ARHGEF18: variants seen among roughly 807,000 people sequenced by gnomAD.
ARHGEF18 encodes Rho/Rac guanine nucleotide exchange factor 18.
Under a neutral mutation model 155.7 loss-of-function variants are expected in ARHGEF18, and 93 were observed. That is an observed-to-expected ratio of 0.60 (90% confidence interval 0.50 to 0.71). The LOEUF is 0.71. Ranked by LOEUF, ARHGEF18 falls within the 30% of genes least tolerant of loss-of-function variation. The pLI, the probability that ARHGEF18 is intolerant of heterozygous loss-of-function variation, is 0.00. For missense variants in ARHGEF18, 1,593 were observed against 1,816.1 expected, an observed-to-expected ratio of 0.88 and a Z score of 2.23; for synonymous variants, 742 against 753.1, an observed-to-expected ratio of 0.99 and a Z score of 0.24.
chr19:7,353,565 C>T (rs1304977383), intron 1 of ARHGEF18, among the ~76,000 whole-genome samples: 2 of 139,628 alleles, frequency 1.4e-5, no homozygotes, highest in Non-Finnish European at 1.5e-5. Flanking sequence ...ATTCCAGCCT[C>T]AGCAACAAAA....
intron 1 of ARHGEF18, among the ~76,000 whole-genome samples, chr19:7,361,351 T>C (rs28489666): frequency 0.07 from 10,618 of 152,140 alleles, 946 homozygotes; most frequent in African/African-American, 0.21. Context: ...GGCAGGAGAA[T>C]CACTCAAATC....
intron 2 of ARHGEF18, among the ~76,000 whole-genome samples, chr19:7,365,894 C>T (rs1969868074): frequency 6.6e-6 from 1 of 152,190 alleles, no homozygotes; most frequent in Admixed American, 6.5e-5. Context: ...GGCTGGGCCA[C>T]CTGCCTGCAT....
intron 15 of ARHGEF18, among the ~76,000 whole-genome samples, chr19:7,449,358 G>A (rs1659526122): frequency 6.6e-6 from 1 of 152,066 alleles, no homozygotes; most frequent in Admixed American, 6.6e-5. Flanking sequence ...CGGATCACTT[G>A]AGCCCAGGAG....
At position 7,471,178 on chromosome 19, in the gene ARHGEF18, G is replaced by T. The variant is rs2145928525; in HGVS notation, c.*880G>T. The T allele has an allele frequency of 4.8e-6, 1 of 209,392 alleles. No individual in the cohort carries two copies. The highest frequency in any genetic ancestry group is 1.9e-4 in the South Asian group (1 of 5,324). The allele number at this position is 209,392 out of a possible 1,614,324, so 13.0% of individuals were successfully genotyped here. ...AGCCCCCGGGAAATGAGCTCCCAGG[G>T]CTGGCGTCCCACCTTCCAGGTGGGG... On this transcript the variant is annotated 3_prime_UTR_variant, in exon 29 of 29. Transcript: ENST00000668164. This position sits in a 1 kb window ranked among gnomAD's most constrained non-coding sequence, Gnocchi z 4.4.
chr19:7,420,687 G>A (rs1973300167), intron 10 of ARHGEF18, among the ~76,000 whole-genome samples: 1 of 152,236 alleles, frequency 6.6e-6, no homozygotes, highest in South Asian at 2.1e-4. Flanking sequence ...TCGCTCAAGT[G>A]CATAACTTTG....
At chr19:7,363,405 T>C (rs1969715495) in intron 2 of ARHGEF18, among the ~76,000 whole-genome samples, 1 of 149,180 alleles carries the variant, frequency 6.7e-6, no homozygotes, top group Non-Finnish European at 1.5e-5. Flanking sequence ...GGAAGGAGGA[T>C]GGATGAAGGA....
At chr19:7,362,041 G>GGAGA (rs1969596029) in intron 1 of ARHGEF18, among the ~76,000 whole-genome samples, 1 of 50,692 alleles carries the variant, frequency 2.0e-5, no homozygotes, top group South Asian at 7.4e-4. Context: ...GAAGGAGAAG[G>GGAGA]AGAAGGAGAA....
intron 10 of ARHGEF18, among the ~76,000 whole-genome samples, chr19:7,417,765 A>G (rs567896316): frequency 6.6e-6 from 1 of 152,238 alleles, no homozygotes; most frequent in East Asian, 1.9e-4. Flanking sequence ...GCCCAGTGGG[A>G]TGGTGACATG....
rs58930136 is a variant in ARHGEF18 at position 7,380,700 on chromosome 19, AAAC to A, written c.645-215_645-213del. On this transcript the variant is annotated intron_variant, in intron 7 of 28. Transcript: ENST00000668164. ...CGCCATCTCTATTAAAAAAGAAAAA[AAAC>A]ATCTTCCTGCTACACTGATTTTGTT... is the stretch of plus-strand genomic sequence containing the variant. Among the ~76,000 whole-genome samples, 822 of 152,070 alleles carry A rather than the reference AAAC, an allele frequency of 5.4e-3. 2 individuals are homozygous for A. The highest frequency in any genetic ancestry group is 0.019 in the African/African-American group (777 of 41,438).
chr19:7,437,402 A>G (rs1215603300), intron 10 of ARHGEF18, among the ~76,000 whole-genome samples: 1 of 146,730 alleles, frequency 6.8e-6, no homozygotes, highest in African/African-American at 2.6e-5. Context: ...AGCCTGGGCA[A>G]CAAAAGCGGA....
At chr19:7,366,190 C>T (rs1484178630) in intron 2 of ARHGEF18, among the ~76,000 whole-genome samples, 1 of 152,220 alleles carries the variant, frequency 6.6e-6, no homozygotes, top group African/African-American at 2.4e-5. Context: ...ATGTGATCCA[C>T]CCGCCTCAGG....
chr19:7,455,585 G>C (rs1975777192), intron 17 of ARHGEF18, among the ~76,000 whole-genome samples: 1 of 152,150 alleles, frequency 6.6e-6, no homozygotes, highest in South Asian at 2.1e-4. Flanking sequence ...GGGTCCTGGT[G>C]ACCCAGGAGC....
chr19:7,376,143 G>A (rs891327255), intron 4 of ARHGEF18, among the ~76,000 whole-genome samples: 1 of 152,198 alleles, frequency 6.6e-6, no homozygotes, highest in Non-Finnish European at 1.5e-5. Flanking sequence ...GGGGATGGGG[G>A]ATGTCTTATC....
chr19:7,372,955 C>T lies in ARHGEF18; in HGVS notation c.159C>T (p.Arg53=). 1.6e-6 allele frequency: 2 copies of T among 1,234,578 alleles called. No individual in the cohort carries two copies. Among genetic ancestry groups the T allele is most frequent in the Non-Finnish European group, 2.0e-6 (2 of 988,318 alleles). 76.5% of individuals were successfully genotyped at this position (1,234,578 alleles called of 1,614,324 possible). A position where few individuals can be genotyped will look rare whatever the true frequency, so the allele number is the denominator to read the frequency against. The change falls in exon 3 of 29, where the codon CGC becomes CGT. Residue 53 remains arginine (R), a synonymous_variant. Transcript: ENST00000668164. ...HSQPGETPDS[R]PTGEEPGRDS... is the part of the protein sequence containing the mutation. ...AGCCTGGGGAGACCCCAGACAGCCGCCCCACCGGTGAAGAACCAGGAAGAG... is the reference window on the plus strand; with the variant it reads ...AGCCTGGGGAGACCCCAGACAGCCGTCCCACCGGTGAAGAACCAGGAAGAG...
rs369183491 is a variant in ARHGEF18, at chr19:7,374,186, C to G, written c.275+1115C>G. Reference sequence around the variant, plus strand: ...TCGCTCACATGCCTGCGCTCACCTTCTGCTTTGCAGCCCGGATTCTAAAAG... The same window carrying G: ...TCGCTCACATGCCTGCGCTCACCTTGTGCTTTGCAGCCCGGATTCTAAAAG... On this transcript the variant is annotated intron_variant, in intron 3 of 28. Coordinates refer to ENST00000668164, the MANE Select transcript of ARHGEF18 (RefSeq NM_001367823.1). Among the ~76,000 whole-genome samples, 14 of 152,258 alleles carry G rather than the reference C, an allele frequency of 9.2e-5. No homozygotes were observed. The East Asian group carries it at 1.7e-3, about 19-fold the overall frequency.
chr19:7,372,487 A>G (rs1258707048), intron 2 of ARHGEF18, among the ~76,000 whole-genome samples: 1 of 149,094 alleles, frequency 6.7e-6, no homozygotes, highest in African/African-American at 2.5e-5. Flanking sequence ...AAAAAAAAAA[A>G]GAGAGAGAGA....
At chr19:7,403,430 A>G (rs1972122534) in intron 10 of ARHGEF18, among the ~76,000 whole-genome samples, 1 of 152,074 alleles carries the variant, frequency 6.6e-6, no homozygotes, top group Admixed American at 6.6e-5. Context: ...GACTTTTCAT[A>G]TCAGTGGAAT....
chr19:7,475,252 T>C (rs1840426459), downstream of ARHGEF18, among the ~76,000 whole-genome samples: 1 of 152,036 alleles, frequency 6.6e-6, no homozygotes, highest in Admixed American at 6.6e-5. Flanking sequence ...CCGTAGTCTT[T>C]AAGGTTCACA....
rs368691974 is a variant in ARHGEF18 at position 7,410,381 on chromosome 19, A to AATAT, written c.967+27190_967+27193dup. 9.3e-4 allele frequency among the ~76,000 whole-genome samples: 140 copies of AATAT among 150,408 alleles called. 1 individual carries two copies. Among genetic ancestry groups the AATAT allele is most frequent in the African/African-American group, 3.3e-3 (134 of 41,116 alleles). On this transcript the variant is annotated intron_variant, in intron 10 of 28. Transcript: ENST00000668164. Reference sequence around the variant, plus strand: ...TCCCACATTAAAATTGTTGGCTTGAAATATATATATATATACACACACACA... The same window carrying AATAT: ...TCCCACATTAAAATTGTTGGCTTGAAATATATATATATATATATACACACACACA...
Sources: gnomAD v4.1 joint callset for allele counts (sites outside exome capture counted in the v4.1 genomes callset) on GRCh38, gnomAD v4.1.1 for gene constraint, Gnocchi (gnomAD v3.1) non-coding constraint, MANE v1.5 for transcripts, NCBI Gene and HGNC (gene_info 2026-07-23, HGNC 2026-07-21) for gene names.